The following CEP192 variants were observed in gnomAD, a reference collection of about 807,000 sequenced individuals.
CEP192 encodes the protein centrosomal protein of 192 kDa.
Under a neutral mutation model 271.8 loss-of-function variants are expected in CEP192, and 151 were observed. The ratio of observed to expected loss-of-function variants is 0.56; its 90% CI spans 0.49 to 0.64. The LOEUF (loss-of-function observed/expected upper bound fraction) is 0.64. Ranked by LOEUF, CEP192 falls within the 30% of genes least tolerant of loss-of-function variation. The pLI, the probability that CEP192 is intolerant of heterozygous loss-of-function variation, is 0.00. For missense variants in CEP192, 2,910 were observed against 3,020.5 expected (o/e 0.96, Z 0.86); for synonymous variants, 995 against 1,076.5 (o/e 0.92, Z 1.48).
chr18:12,993,964 T>C (rs775841356), intron 1 of CEP192, among the ~76,000 whole-genome samples: 19 of 152,222 alleles, frequency 1.2e-4, no homozygotes, highest in Middle Eastern at 3.2e-3. Flanking sequence ...ATGAACAAGA[T>C]AGACATTTCC....
At chr18:13,077,285 C>T (rs140266435) in intron 30 of CEP192, among the ~76,000 whole-genome samples, 1 of 152,276 alleles carries the variant, frequency 6.6e-6, no homozygotes, top group African/African-American at 2.4e-5. Context: ...CTCCACAATG[C>T]TCCAGAATCA....
rs768470267 is a variant in CEP192, at chr18:13,057,752, C to T, written c.4257+19C>T. On this transcript the variant is annotated intron_variant, in intron 20 of 44. Transcript: ENST00000506447. ...TGAAAAGGTAGCTTTCTATGTCTTTCTCATTTAACCTAACAGTTGCATTGT... is the reference window on the plus strand; with the variant it reads ...TGAAAAGGTAGCTTTCTATGTCTTTTTCATTTAACCTAACAGTTGCATTGT... 5 of 1,608,780 alleles carry T rather than the reference C, an allele frequency of 3.1e-6. No homozygotes were observed. In the Admixed American group the frequency reaches 6.7e-5, roughly 21 times the overall value.
chr18:13,113,503 T>C, intron 40 of CEP192, 83 bp from the exon 41 acceptor site: 7 of 1,369,030 alleles, frequency 5.1e-6, no homozygotes, highest in African/African-American at 1.5e-5. Context: ...ATTTTTTTCA[T>C]ACCAAATCTT....
chr18:13,076,592 TTATAATG>T (rs1386575641), intron 30 of CEP192, among the ~76,000 whole-genome samples: 1 of 152,214 alleles, frequency 6.6e-6, no homozygotes, highest in Admixed American at 6.5e-5. Context: ...GGCAGAATAC[TTATAATG>T]AGTGTTTTCA....
intron 36 of CEP192, among the ~76,000 whole-genome samples, chr18:13,097,372 G>A (rs1232588721): frequency 2.6e-5 from 4 of 152,202 alleles, no homozygotes; most frequent in Non-Finnish European, 5.9e-5. Context: ...GGTTCTTGAA[G>A]AGAATATTGA....
At position 13,058,717 on chromosome 18, in the gene CEP192, G is replaced by T. The variant is rs144860683; in HGVS notation, c.4258-365G>T. Reference sequence around the variant, plus strand: ...GCTGTGGGACCTCAGCGGTTAGCCTGACTCTTCTTCCCCCCAGCCCCCACC... The same window carrying T: ...GCTGTGGGACCTCAGCGGTTAGCCTTACTCTTCTTCCCCCCAGCCCCCACC... On this transcript the variant is annotated intron_variant, in intron 20 of 44. Transcript: ENST00000506447. 4.6e-3 allele frequency: 934 copies of T among 203,318 alleles called. 8 individuals are homozygous for T. The highest frequency in any genetic ancestry group is 0.021 in the African/African-American group (895 of 43,082). 12.6% of individuals were successfully genotyped at this position (203,318 alleles called of 1,614,324 possible). A position where few individuals can be genotyped will look rare whatever the true frequency, so the allele number is the denominator to read the frequency against.
chr18:13,021,861 T>A (rs1217446120), intron 9 of CEP192, among the ~76,000 whole-genome samples: 1 of 152,228 alleles, frequency 6.6e-6, no homozygotes, highest in African/African-American at 2.4e-5. Context: ...GTCTTTTAGA[T>A]GCTATTGTAA....
rs999632764 is a variant in CEP192 at position 13,096,281 on chromosome 18, G to A, written c.6531G>A (p.Thr2177=). The change falls in exon 36 of 45, where the codon ACG becomes ACA. Residue 2177 remains threonine, a synonymous_variant. Coordinates refer to ENST00000506447, the MANE Select transcript of CEP192 (RefSeq NM_032142.4). ...LCWPAHCLTV[T]PQHGCVAPES... is the part of the protein sequence containing the mutation. The stretch of plus-strand genomic sequence containing the variant: ...GGCCAGCGCATTGCCTCACAGTCAC[G>A]CCGCAGCATGGATGTGTCGCGCCAG... 5.0e-6 allele frequency: 8 copies of A among 1,613,848 alleles called. No homozygotes were observed. The highest frequency in any genetic ancestry group is 1.3e-5 in the African/African-American group (1 of 75,040).
Position 13,066,963 on chromosome 18 carries a change from CTGTGTGTGTGTG to C in CEP192, c.4489-843_4489-832del, listed in dbSNP as rs56795701. ...AGAGCAAAACAAAATGTGAGCACGT[CTGTGTGTGTGTG>C]TGTGTGTGTGTGTGTGTGTGTGTGC... On this transcript the variant is annotated intron_variant, in intron 21 of 44. Transcript: ENST00000506447. 2.1e-4 allele frequency among the ~76,000 whole-genome samples: 30 copies of C among 143,510 alleles called. No homozygotes were observed. In the East Asian group the frequency reaches 3.7e-3, roughly 18 times the overall value. 94.1% of individuals were successfully genotyped at this position (143,510 alleles called of 152,430 possible). A position where few individuals can be genotyped will look rare whatever the true frequency, so the allele number is the denominator to read the frequency against.
Position 13,042,349 on chromosome 18 carries a change from T to C in CEP192, c.2067+15T>C, listed in dbSNP as rs2036254522. Reference sequence around the variant, plus strand: ...GCAAAACAGAGGTAGCTTCAGCCTTTCGTAAGGAAATCTAAGATTATCTTG... The same window carrying C: ...GCAAAACAGAGGTAGCTTCAGCCTTCCGTAAGGAAATCTAAGATTATCTTG... On this transcript the variant is annotated intron_variant, in intron 15 of 44. Transcript: ENST00000506447. The C allele has an allele frequency of 6.2e-7, 1 of 1,613,252 alleles. No homozygotes were observed. The highest frequency in any genetic ancestry group is 8.5e-7 in the Non-Finnish European group (1 of 1,179,504).
intron 21 of CEP192, among the ~76,000 whole-genome samples, chr18:13,061,091 G>A (rs1487507102): frequency 1.3e-5 from 2 of 152,200 alleles, no homozygotes; most frequent in Admixed American, 6.5e-5. Context: ...AGGAGGCCGA[G>A]GCGGGCAGAT....
Position 13,032,922 on chromosome 18 carries a change from G to C in CEP192, c.1534+2314G>C, listed in dbSNP as rs560185484. Among the ~76,000 whole-genome samples the C allele has an allele frequency of 1.2e-4, 18 of 152,024 alleles. No individual in the cohort carries two copies. The South Asian group carries it at 3.7e-3, about 32-fold the overall frequency. ...TGTGGAATGACGTAAAGCTGACTAA[G>C]AACACACACTCTATAGTTCTATTTG... On this transcript the variant is annotated intron_variant, in intron 11 of 44. Transcript: ENST00000506447.
intron 25 of CEP192, 42 bp downstream of exon 25, chr18:13,069,033 T>C (rs113215717): frequency 9.9e-6 from 16 of 1,614,140 alleles, no homozygotes; most frequent in African/African-American, 6.7e-5. Context: ...CTTTCATTCA[T>C]GCTGATTTCA....
chr18:13,103,729 C>T (rs186584965), intron 39 of CEP192, 141 bp downstream of exon 39: 13 of 737,034 alleles, frequency 1.8e-5, no homozygotes, highest in African/African-American at 5.2e-5. Context: ...CTTGCTCTGT[C>T]GCCCAGGCTG....
chr18:13,076,720 A>T (rs963965010), intron 30 of CEP192, among the ~76,000 whole-genome samples: 4 of 152,160 alleles, frequency 2.6e-5, no homozygotes, highest in Non-Finnish European at 4.4e-5. Context: ...AAACTACCAG[A>T]GGTCACTTTG....
At chr18:13,064,603 C>T (rs1175693289) in intron 21 of CEP192, among the ~76,000 whole-genome samples, 2 of 142,012 alleles carry the variant, frequency 1.4e-5, no homozygotes, top group African/African-American at 2.7e-5. Flanking sequence ...CAGAGTGAGA[C>T]TCCATCTCAA....
In CEP192 at chr18:13,048,873, G is replaced by T; in HGVS notation, c.2082G>T (p.Met694Ile). The change falls in exon 16 of 45, where the codon ATG (methionine) becomes ATT (isoleucine). Residue 694 changes from methionine (M) to isoleucine (I), a missense_variant. By Grantham distance (10) the Met-to-Ile change is conservative. Coordinates refer to ENST00000506447, the MANE Select transcript of CEP192 (RefSeq NM_032142.4). ...CTCACTTCTAGGACACTTTCTTCAT[G>T]AGCAACAAACCCCAAAGATACAAAG... ...DKGKTEDTFF[M>I]SNKPQRYKDK... The T allele has an allele frequency of 1.3e-6, 2 of 1,595,906 alleles. No individual in the cohort carries two copies. Among genetic ancestry groups the T allele is most frequent in the South Asian group, 1.1e-5 (1 of 88,740 alleles).
At chr18:12,999,296 C>T (rs1183360825) in intron 1 of CEP192, 125 bp from the exon 2 acceptor site, 2 of 656,974 alleles carry the variant, frequency 3.0e-6, no homozygotes, top group East Asian at 5.8e-5. Context: ...CCTATTTCCC[C>T]CTTACTAATG....
At chr18:12,995,343 C>T (rs186946218) in intron 1 of CEP192, among the ~76,000 whole-genome samples, 19 of 152,166 alleles carry the variant, frequency 1.2e-4, no homozygotes, top group Admixed American at 6.5e-4. Context: ...GGATTACAGG[C>T]GTGAGCCACC....
Sources: gnomAD v4.1 joint callset for allele counts (sites outside exome capture counted in the v4.1 genomes callset) on GRCh38, gnomAD v4.1.1 for gene constraint, MANE v1.5 for transcripts, NCBI Gene and HGNC (gene_info 2026-07-23, HGNC 2026-07-21) for gene names.